LGR5: variants seen among roughly 807,000 people sequenced by gnomAD.
LGR5 encodes leucine-rich repeat-containing G protein-coupled receptor 5.
Under a neutral mutation model 76.7 loss-of-function variants are expected in LGR5, and 54 were observed. That is an observed-to-expected ratio of 0.70 (90% CI 0.57 to 0.88). The LOEUF (loss-of-function observed/expected upper bound fraction) is 0.88. LGR5 is among the 40% of genes least tolerant of loss of function. The pLI is 0.00. For missense variants in LGR5, 1,078 were observed against 1,073.3 expected (o/e 1.00, Z -0.06); for synonymous variants, 406 against 421.9 (o/e 0.96, Z 0.46).
At chr12:71,474,227 C>T (rs1873227177) in intron 1 of LGR5, among the ~76,000 whole-genome samples, 3 of 151,924 alleles carry the variant, frequency 2.0e-5, no homozygotes, top group African/African-American at 7.3e-5. Flanking sequence ...AAAGGATAAA[C>T]AATTCAGAAA....
intron 1 of LGR5, among the ~76,000 whole-genome samples, chr12:71,478,595 A>C (rs967905810): frequency 2.0e-5 from 3 of 152,208 alleles, no homozygotes; most frequent in Non-Finnish European, 4.4e-5. Flanking sequence ...TTTAGCTAGA[A>C]AATTATTCCC....
intron 1 of LGR5, among the ~76,000 whole-genome samples, chr12:71,457,167 A>G (rs1308135403): frequency 6.6e-6 from 1 of 152,236 alleles, no homozygotes; most frequent in African/African-American, 2.4e-5. Context: ...CTTTTCGAAC[A>G]CAATGACTGA....
chr12:71,554,559 T>C (rs1877663433), intron 5 of LGR5, among the ~76,000 whole-genome samples: 1 of 152,204 alleles, frequency 6.6e-6, no homozygotes, highest in Non-Finnish European at 1.5e-5. Context: ...GGGAGTTTGT[T>C]TCAGAAAAAG....
intron 1 of LGR5, among the ~76,000 whole-genome samples, chr12:71,489,597 T>A (rs964050942): frequency 3.3e-5 from 5 of 152,224 alleles, no homozygotes; most frequent in Non-Finnish European, 2.9e-5. Flanking sequence ...TTTATGAATA[T>A]GAGCTTCAGT....
Position 71,573,631 on chromosome 12 carries a change from T to C in LGR5, c.1208+710T>C, listed in dbSNP as rs79012733. Among the ~76,000 whole-genome samples the C allele has an allele frequency of 2.3e-4, 35 of 152,348 alleles. No homozygotes were observed. The East Asian group carries it at 5.8e-3, about 25-fold the overall frequency. ...ATATGATTTTGATGAACGGTGATGA[T>C]AGGTAATGTTTAAACTATAGTACGT... On this transcript the variant is annotated intron_variant, in intron 13 of 17. Transcript: ENST00000266674.
chr12:71,450,686 C>T (rs906007671), intron 1 of LGR5, among the ~76,000 whole-genome samples: 1 of 152,064 alleles, frequency 6.6e-6, no homozygotes, highest in Non-Finnish European at 1.5e-5. Flanking sequence ...ATTTTGGTTG[C>T]CTTAATGTCT....
chr12:71,537,477 GAAAAGAAAAGAAAAGAA>G (rs1876654944), intron 4 of LGR5, among the ~76,000 whole-genome samples: 1 of 151,348 alleles, frequency 6.6e-6, no homozygotes, highest in South Asian at 2.1e-4. Flanking sequence ...TCCAGAGTAA[GAAAAGAAAAGAAAAGAA>G]AAAAGAAAAG....
chr12:71,569,393 T>C (rs1256703846), intron 11 of LGR5, among the ~76,000 whole-genome samples: 1 of 152,004 alleles, frequency 6.6e-6, no homozygotes, highest in African/African-American at 2.4e-5. Context: ...TAGGAGAAAA[T>C]TTTTGCAATC....
intron 1 of LGR5, among the ~76,000 whole-genome samples, chr12:71,476,148 T>C (rs1328082209): frequency 6.6e-6 from 1 of 152,160 alleles, no homozygotes; most frequent in African/African-American, 2.4e-5. Flanking sequence ...CCAGTTCCAG[T>C]GGTTCGCTGG....
At chr12:71,480,872 G>A (rs79938224) in intron 1 of LGR5, among the ~76,000 whole-genome samples, 7,363 of 152,218 alleles carry the variant, frequency 0.048, 223 homozygotes, top group Middle Eastern at 0.11. Flanking sequence ...GGCCACAAAA[G>A]CATAAAAGTG....
At chr12:71,515,542 G>C (rs1180620937) in intron 2 of LGR5, among the ~76,000 whole-genome samples, 1 of 152,146 alleles carries the variant, frequency 6.6e-6, no homozygotes, top group East Asian at 1.9e-4. Flanking sequence ...CAGAACTGCT[G>C]AAATCAATAT....
chr12:71,479,013 C>T (rs1873464975), intron 1 of LGR5, among the ~76,000 whole-genome samples: 1 of 152,194 alleles, frequency 6.6e-6, no homozygotes, highest in Non-Finnish European at 1.5e-5. Flanking sequence ...TGTGCAGGCT[C>T]ACATACTATT....
In LGR5 at chr12:71,551,821, G is replaced by T. The variant is rs1329872911; in HGVS notation, c.429-1252G>T. On this transcript the variant is annotated intron_variant, in intron 4 of 17. Coordinates refer to ENST00000266674, the MANE Select transcript of LGR5 (RefSeq NM_003667.4). ...TAAAACAGATAAAAATGGAGTGTGG[G>T]AAAAGGAAGCAAAAGCTGGAAAGTT... 3.9e-5 allele frequency among the ~76,000 whole-genome samples: 6 copies of T among 152,158 alleles called. No individual in the cohort carries two copies. The East Asian group carries it at 1.2e-3, about 29-fold the overall frequency.
intron 1 of LGR5, among the ~76,000 whole-genome samples, chr12:71,485,285 C>T (rs1220088130): frequency 6.6e-6 from 1 of 151,984 alleles, no homozygotes; most frequent in Non-Finnish European, 1.5e-5. Context: ...AAATCTGAAA[C>T]ACAATAAAAT....
At chr12:71,459,800 G>A (rs1565658765) in intron 1 of LGR5, among the ~76,000 whole-genome samples, 1 of 151,840 alleles carries the variant, frequency 6.6e-6, no homozygotes, top group African/African-American at 2.4e-5. Context: ...TGATAATTTA[G>A]AATAATTATT....
chr12:71,554,224 T>C (rs1337018030), intron 5 of LGR5, among the ~76,000 whole-genome samples: 3 of 152,146 alleles, frequency 2.0e-5, no homozygotes, highest in East Asian at 1.9e-4. Flanking sequence ...AGCTAGGGAA[T>C]GGGGAATGCT....
At chr12:71,514,541 C>T (rs1272650917) in intron 2 of LGR5, among the ~76,000 whole-genome samples, 1 of 142,610 alleles carries the variant, frequency 7.0e-6, no homozygotes, top group Non-Finnish European at 1.5e-5. Context: ...GCACTCCAGC[C>T]TGGGCGAAAG....
chr12:71,481,597 G>C (rs1396784972), intron 1 of LGR5, among the ~76,000 whole-genome samples: 2 of 152,090 alleles, frequency 1.3e-5, no homozygotes, highest in Admixed American at 6.6e-5. Context: ...TTTATACTCA[G>C]AGCCTTTGCA....
At chr12:71,451,858 T>G (rs1872264133) in intron 1 of LGR5, among the ~76,000 whole-genome samples, 1 of 152,150 alleles carries the variant, frequency 6.6e-6, no homozygotes, top group South Asian at 2.1e-4. Context: ...ATGATTTTCT[T>G]GGGAGTGCAC....
Sources: gnomAD v4.1 joint callset for allele counts (sites outside exome capture counted in the v4.1 genomes callset) on GRCh38, gnomAD v4.1.1 for gene constraint, MANE v1.5 for transcripts, NCBI Gene and HGNC (gene_info 2026-07-23, HGNC 2026-07-21) for gene names.